Variants in SEMA6D observed in about 807,000 individuals in gnomAD.
SEMA6D encodes the protein semaphorin-6D.
In SEMA6D, 35 loss-of-function variants were observed where a neutral mutation model predicts 106.6. The ratio of observed to expected loss-of-function variants is 0.33; its 90% CI spans 0.25 to 0.44. SEMA6D has a LOEUF of 0.44. Among genes scored for constraint, SEMA6D ranks in the 20% least tolerant of loss-of-function variants. SEMA6D has a pLI of 1.00. For missense variants in SEMA6D, 1,185 were observed against 1,345.9 expected (o/e 0.88, Z 1.87); for synonymous variants, 499 against 487.7 (o/e 1.02, Z -0.31).
intron 4 of SEMA6D, among the ~76,000 whole-genome samples, chr15:47,673,948 C>CT (rs2078189556): frequency 6.6e-6 from 1 of 152,176 alleles, no homozygotes; most frequent in Non-Finnish European, 1.5e-5. Flanking sequence ...TGTCTTGACA[C>CT]CTCTGCTTCT....
At chr15:47,743,754 C>T (rs1441254593) in intron 1 of SEMA6D, among the ~76,000 whole-genome samples, 1 of 152,232 alleles carries the variant, frequency 6.6e-6, no homozygotes, top group East Asian at 1.9e-4. Flanking sequence ...TGAGTTTGCA[C>T]TGGAATGAGG....
At chr15:47,762,853 T>A in intron 8 of SEMA6D, among the ~76,000 whole-genome samples, 163 bp from the exon 9 acceptor site, 1 of 152,342 alleles carries the variant, frequency 6.6e-6, no homozygotes, top group Middle Eastern at 3.4e-3. Flanking sequence ...TCCCTGAAGC[T>A]TGAACACACC....
intron 4 of SEMA6D, among the ~76,000 whole-genome samples, chr15:47,710,788 G>A (rs1341819670): frequency 1.3e-5 from 2 of 152,180 alleles, no homozygotes; most frequent in Non-Finnish European, 2.9e-5. Flanking sequence ...TTTTAGCTGT[G>A]TAAGTGAATC....
chr15:47,446,243 C>A (rs1032386756), intron 2 of SEMA6D, among the ~76,000 whole-genome samples: 1 of 152,056 alleles, frequency 6.6e-6, no homozygotes, highest in Non-Finnish European at 1.5e-5. Flanking sequence ...GAAGAGATGA[C>A]GTCTTCTTAG....
intron 1 of SEMA6D, among the ~76,000 whole-genome samples, chr15:47,739,749 T>C (rs2080688175): frequency 6.6e-6 from 1 of 152,104 alleles, no homozygotes; most frequent in Admixed American, 6.5e-5. Flanking sequence ...AAGAGAGAAT[T>C]TGGAACATAG....
intron 1 of SEMA6D, among the ~76,000 whole-genome samples, chr15:47,372,559 T>C (rs1176702466): frequency 6.6e-6 from 1 of 152,238 alleles, no homozygotes; most frequent in African/African-American, 2.4e-5. Context: ...TGTTTGCTGA[T>C]GCTACAGCTT....
At chr15:47,462,808 CTTAATTCACCTTGG>C (rs1395889265) in intron 2 of SEMA6D, among the ~76,000 whole-genome samples, 1 of 152,006 alleles carries the variant, frequency 6.6e-6, no homozygotes, top group Non-Finnish European at 1.5e-5. Flanking sequence ...ATAAAGATTA[CTTAATTCACCTTGG>C]GTGAGGGGAG....
intron 1 of SEMA6D, among the ~76,000 whole-genome samples, chr15:47,184,704 G>T (rs924539206): frequency 6.6e-6 from 1 of 152,162 alleles, no homozygotes; most frequent in Admixed American, 6.5e-5. Flanking sequence ...TGCCAGGCCG[G>T]GGGGAGGGAG....
At chr15:47,547,896 C>T (rs1184323251) in intron 3 of SEMA6D, among the ~76,000 whole-genome samples, 1 of 152,154 alleles carries the variant, frequency 6.6e-6, no homozygotes, top group Non-Finnish European at 1.5e-5. Context: ...AAGACAACTC[C>T]ATTTTCTCAC....
rs995609868 is a variant in SEMA6D, at chr15:47,772,471, C to G, written c.*686C>G. 3 of 151,296 alleles carry G rather than the reference C, an allele frequency of 2.0e-5. No homozygotes were observed. Among genetic ancestry groups the G allele is most frequent in the African/African-American group, 7.3e-5 (3 of 40,964 alleles). 9.4% of individuals were successfully genotyped at this position (151,296 alleles called of 1,614,324 possible). A position where few individuals can be genotyped will look rare whatever the true frequency, so the allele number is the denominator to read the frequency against. On this transcript the variant is annotated 3_prime_UTR_variant, in exon 19 of 19. Transcript: ENST00000536845. ...GTTGTTTACATTAAGCATGACCGAA[C>G]GAGAGACAATACTATTTCCCACAGG...
chr15:47,632,151 T>C (rs2077304196), intron 4 of SEMA6D, among the ~76,000 whole-genome samples: 2 of 151,996 alleles, frequency 1.3e-5, no homozygotes, highest in Admixed American at 1.3e-4. Flanking sequence ...TTTGATTCCA[T>C]TTTGGTCAGA....
intron 1 of SEMA6D, among the ~76,000 whole-genome samples, chr15:47,308,771 G>A (rs1424726336): frequency 6.6e-6 from 1 of 152,174 alleles, no homozygotes; most frequent in Non-Finnish European, 1.5e-5. Context: ...GGGTTCATGG[G>A]AGAAATTACA....
chr15:47,610,250 A>T (rs16959817), intron 4 of SEMA6D, among the ~76,000 whole-genome samples: 9,432 of 152,268 alleles, frequency 0.062, 321 homozygotes, highest in Middle Eastern at 0.075. Flanking sequence ...GGAAACGTAT[A>T]TAAGCAAGAT....
chr15:47,707,503 A>G (rs901172529), intron 4 of SEMA6D, among the ~76,000 whole-genome samples: 1 of 152,228 alleles, frequency 6.6e-6, no homozygotes, highest in East Asian at 1.9e-4. Context: ...AAATATGATG[A>G]ATTGCCACGT....
intron 4 of SEMA6D, among the ~76,000 whole-genome samples, chr15:47,701,659 G>A (rs2078814814): frequency 6.6e-6 from 1 of 152,124 alleles, no homozygotes; most frequent in African/African-American, 2.4e-5. Flanking sequence ...TATAAATAAA[G>A]TTAAAATTAA....
intron 3 of SEMA6D, among the ~76,000 whole-genome samples, chr15:47,591,122 T>C (rs2076431468): frequency 6.6e-6 from 1 of 152,192 alleles, no homozygotes; most frequent in Admixed American, 6.5e-5. Flanking sequence ...GTGAGGACTT[T>C]CTCCCTGCTT....
intron 1 of SEMA6D, among the ~76,000 whole-genome samples, chr15:47,337,582 C>G (rs1170381640): frequency 1.3e-5 from 2 of 152,104 alleles, no homozygotes; most frequent in Non-Finnish European, 2.9e-5. Context: ...AAAGAAAACA[C>G]CATACCACCC....
chr15:47,534,275 C>T (rs1050585443), intron 3 of SEMA6D, among the ~76,000 whole-genome samples: 49 of 152,244 alleles, frequency 3.2e-4, no homozygotes, highest in African/African-American at 1.2e-3. Flanking sequence ...ACTGCAACCT[C>T]TGCCTCCCGG....
chr15:47,603,903 T>C (rs2143586674), intron 4 of SEMA6D: 1 of 152,346 alleles, frequency 6.6e-6, no homozygotes, highest in South Asian at 2.1e-4. Flanking sequence ...TTTCCTAACA[T>C]TTAATTTATT....
Sources: gnomAD v4.1 joint callset for allele counts (sites outside exome capture counted in the v4.1 genomes callset) on GRCh38, gnomAD v4.1.1 for gene constraint, MANE v1.5 for transcripts, NCBI Gene and HGNC (gene_info 2026-07-23, HGNC 2026-07-21) for gene names.